The following RAB38 variants were observed in gnomAD, a reference collection of about 807,000 sequenced individuals.
The protein encoded by RAB38 is ras-related protein Rab-38.
Under a neutral mutation model 18.4 loss-of-function variants are expected in RAB38, and 15 were observed. The ratio of observed to expected loss-of-function variants is 0.82; its 90% CI spans 0.55 to 1.26. RAB38 has a LOEUF of 1.26. RAB38 is among the 50% of genes most tolerant of loss of function. The probability of loss-of-function intolerance (pLI) is 0.00; values close to 1 mark genes in which losing one functional copy is unlikely to be tolerated. For synonymous variants in RAB38, 101 were observed against 104.4 expected (o/e 0.97, Z 0.20); for missense variants, 294 against 267.4 (o/e 1.10, Z -0.69).
the RAB38 span, among the ~76,000 whole-genome samples, chr11:88,086,895 C>T: frequency 7.9e-5 from 12 of 151,864 alleles, no homozygotes; most frequent in African/African-American, 2.7e-4. Context: ...AAATAATAAA[C>T]ATTCAATACA....
At chr11:87,826,524 T>G in the RAB38 span, among the ~76,000 whole-genome samples, 53 of 152,146 alleles carry the variant, frequency 3.5e-4, no homozygotes, top group Admixed American at 6.6e-4. Context: ...AGAAAAATAC[T>G]AACTCTCCTT....
chr11:87,877,363 A>G, the RAB38 span, among the ~76,000 whole-genome samples: 1 of 151,588 alleles, frequency 6.6e-6, no homozygotes, highest in Non-Finnish European at 1.5e-5. Flanking sequence ...TGGGAATAAT[A>G]AAGTATACAT....
intron 2 of RAB38, among the ~76,000 whole-genome samples, chr11:88,129,912 A>G (rs1247069481): frequency 1.3e-5 from 2 of 152,018 alleles, no homozygotes; most frequent in Non-Finnish European, 2.9e-5. Context: ...TGCAATTCTA[A>G]TATTCATATT....
the RAB38 span, among the ~76,000 whole-genome samples, chr11:88,105,060 T>C: frequency 6.6e-6 from 1 of 152,108 alleles, no homozygotes; most frequent in Non-Finnish European, 1.5e-5. Flanking sequence ...TTTTTAATAA[T>C]ATTTACCTCC....
At chr11:88,016,431 A>G in the RAB38 span, among the ~76,000 whole-genome samples, 2 of 152,126 alleles carry the variant, frequency 1.3e-5, no homozygotes, top group African/African-American at 2.4e-5. Flanking sequence ...ATGATTGAAG[A>G]CTTGAAATAA....
At chr11:87,976,842 T>C in the RAB38 span, among the ~76,000 whole-genome samples, 3 of 54,350 alleles carry the variant, frequency 5.5e-5, no homozygotes, top group Admixed American at 4.8e-4. Context: ...TAAATATATA[T>C]TGTGTTATAT....
At chr11:88,045,021 G>T in the RAB38 span, among the ~76,000 whole-genome samples, 2 of 152,156 alleles carry the variant, frequency 1.3e-5, no homozygotes, top group African/African-American at 4.8e-5. Context: ...CAAGGCTAAT[G>T]CTTCTGTTTC....
chr11:87,958,737 T>C, the RAB38 span, among the ~76,000 whole-genome samples: 1 of 152,168 alleles, frequency 6.6e-6, no homozygotes, highest in African/African-American at 2.4e-5. Flanking sequence ...CTAGCTCCAA[T>C]AATAAGCACT....
the RAB38 span, among the ~76,000 whole-genome samples, chr11:88,107,047 T>C: frequency 1.3e-5 from 2 of 152,188 alleles, no homozygotes; most frequent in Non-Finnish European, 2.9e-5. Context: ...ACACCATCGT[T>C]AAGCTAAAGT....
the RAB38 span, among the ~76,000 whole-genome samples, chr11:87,823,993 T>C: frequency 6.6e-6 from 1 of 152,298 alleles, no homozygotes; most frequent in East Asian, 1.9e-4. Context: ...TTAAAGGCTT[T>C]AGTTTTTGTT....
At chr11:88,028,948 T>A in the RAB38 span, among the ~76,000 whole-genome samples, 1 of 151,766 alleles carries the variant, frequency 6.6e-6, no homozygotes, top group Non-Finnish European at 1.5e-5. Context: ...AAAGTTGAAA[T>A]GAAGGAAAAA....
the RAB38 span, among the ~76,000 whole-genome samples, chr11:87,938,618 C>CTTTTTTTTT: frequency 1.4e-5 from 1 of 69,714 alleles, no homozygotes; most frequent in African/African-American, 8.3e-5. Context: ...TGCTCTTTTC[C>CTTTTTTTTT]GTTTTTTTTT....
chr11:87,846,995 A>G, the RAB38 span, among the ~76,000 whole-genome samples: 1 of 152,102 alleles, frequency 6.6e-6, no homozygotes, highest in Non-Finnish European at 1.5e-5. Flanking sequence ...AATACAATAT[A>G]TCAAAATTTT....
intron 2 of RAB38, among the ~76,000 whole-genome samples, chr11:88,137,838 G>A (rs576059566): frequency 6.8e-4 from 104 of 152,308 alleles, no homozygotes; most frequent in African/African-American, 2.5e-3. Flanking sequence ...CTTTAAGAAT[G>A]AGAATGGTAT....
the RAB38 span, among the ~76,000 whole-genome samples, chr11:88,014,719 C>T: frequency 2.0e-4 from 30 of 152,178 alleles, no homozygotes; most frequent in African/African-American, 7.0e-4. Context: ...TACTGATGGG[C>T]CTTATTACCT....
chr11:87,827,381 G>T, the RAB38 span, among the ~76,000 whole-genome samples: 2 of 151,066 alleles, frequency 1.3e-5, no homozygotes, highest in African/African-American at 4.9e-5. Context: ...GCTCTTTATT[G>T]GAAAGTTTTA....
the RAB38 span, among the ~76,000 whole-genome samples, chr11:87,897,525 TTTG>T: frequency 2.0e-5 from 3 of 151,688 alleles, no homozygotes; most frequent in South Asian, 2.1e-4. Flanking sequence ...CTTTCGTAGA[TTTG>T]TTGTTGTTCT....
the RAB38 span, among the ~76,000 whole-genome samples, chr11:88,023,256 C>T: frequency 6.6e-6 from 1 of 151,184 alleles, no homozygotes; most frequent in Non-Finnish European, 1.5e-5. Flanking sequence ...TTTCTATATC[C>T]CAAAGGCAAA....
the RAB38 span, among the ~76,000 whole-genome samples, chr11:87,914,031 T>C: frequency 1.3e-5 from 2 of 152,028 alleles, no homozygotes; most frequent in Non-Finnish European, 2.9e-5. Flanking sequence ...GTACCAGGAA[T>C]GGAGTGTTGC....
Sources: gnomAD v4.1 joint callset for allele counts (sites outside exome capture counted in the v4.1 genomes callset) on GRCh38, gnomAD v4.1.1 for gene constraint, MANE v1.5 for transcripts, NCBI Gene and HGNC (gene_info 2026-07-23, HGNC 2026-07-21) for gene names.